Variants in NSUN6 observed in about 807,000 individuals in gnomAD.
The protein encoded by NSUN6 is tRNA (cytosine(72)-C(5))-methyltransferase NSUN6.
Under a neutral mutation model 58.0 loss-of-function variants are expected in NSUN6, and 64 were observed. That is an observed-to-expected ratio of 1.10 (90% CI 0.90 to 1.36). NSUN6 has a LOEUF of 1.36. NSUN6 is among the 40% of genes most tolerant of loss of function. The pLI, the probability that NSUN6 is intolerant of heterozygous loss-of-function variation, is 0.00. For missense variants in NSUN6, 701 were observed against 550.1 expected (o/e 1.27, Z -2.74); for synonymous variants, 231 against 193.9 (o/e 1.19, Z -1.59).
intron 6 of NSUN6, among the ~76,000 whole-genome samples, chr10:18,598,496 G>A (rs904171752): frequency 1.3e-5 from 2 of 152,040 alleles, no homozygotes; most frequent in Non-Finnish European, 2.9e-5. Context: ...CAGGCTGTCC[G>A]GGTCTCAGAC....
At chr10:18,659,322 T>C (rs926693053), upstream of NSUN6, 1 of 337,910 alleles carries the variant, frequency 3.0e-6, no homozygotes, top group Non-Finnish European at 5.4e-6. Flanking sequence ...CGATGGGTGG[T>C]CCTGGGATCC....
intron 3 of NSUN6, among the ~76,000 whole-genome samples, chr10:18,632,789 C>A (rs1051534633): frequency 6.6e-6 from 1 of 152,308 alleles, no homozygotes; most frequent in Admixed American, 6.5e-5. Flanking sequence ...GAAATAGGAA[C>A]AATTTTACAC....
chr10:18,570,142 TTCCATTCCATTC>T (rs1355206871), intron 8 of NSUN6, among the ~76,000 whole-genome samples: 2 of 151,106 alleles, frequency 1.3e-5, no homozygotes, highest in South Asian at 4.2e-4. Context: ...CCATTTCGCA[TTCCATTCCATTC>T]TCCATTCCAT....
intron 8 of NSUN6, among the ~76,000 whole-genome samples, chr10:18,561,067 A>G (rs111208101): frequency 0.61 from 88,954 of 146,774 alleles, 27,486 homozygotes; most frequent in East Asian, 0.96. Context: ...AGGATGGTAT[A>G]GAAAATGGAA....
intron 9 of NSUN6, among the ~76,000 whole-genome samples, chr10:18,549,651 G>A (rs1238597341): frequency 6.6e-6 from 1 of 152,136 alleles, no homozygotes; most frequent in East Asian, 1.9e-4. Context: ...GGAGATCTAT[G>A]AGTATTTGTT....
intron 3 of NSUN6, among the ~76,000 whole-genome samples, chr10:18,639,477 G>A (rs941760118): frequency 6.6e-6 from 1 of 152,050 alleles, no homozygotes; most frequent in African/African-American, 2.4e-5. Flanking sequence ...CGGGGTGACA[G>A]ACTTGAGACT....
intron 5 of NSUN6, among the ~76,000 whole-genome samples, chr10:18,610,269 A>G (rs2058185415): frequency 6.6e-6 from 1 of 151,986 alleles, no homozygotes; most frequent in Non-Finnish European, 1.5e-5. Context: ...AATCACTTGA[A>G]CCTGGGAGGC....
chr10:18,581,741 G>A (rs1257095485), intron 8 of NSUN6, among the ~76,000 whole-genome samples: 1 of 151,596 alleles, frequency 6.6e-6, no homozygotes, highest in Non-Finnish European at 1.5e-5. Context: ...CAGGAGAATC[G>A]CTTGAACCCG....
intron 8 of NSUN6, among the ~76,000 whole-genome samples, chr10:18,579,180 A>ATT (rs1016104225): frequency 2.7e-5 from 4 of 149,540 alleles, no homozygotes; most frequent in African/African-American, 4.9e-5. Flanking sequence ...TTTTATTACT[A>ATT]TTTTTTTTTT....
chr10:18,637,993 G>T (rs1404489732), intron 3 of NSUN6, among the ~76,000 whole-genome samples: 1 of 152,138 alleles, frequency 6.6e-6, no homozygotes. Flanking sequence ...AAACAAAATT[G>T]GGAGGTGGGA....
At chr10:18,655,776 T>G (rs2059770958), upstream of NSUN6, among the ~76,000 whole-genome samples, 2 of 148,698 alleles carry the variant, frequency 1.3e-5, no homozygotes, top group African/African-American at 4.9e-5. Flanking sequence ...ACTGCCACAC[T>G]GAGCAGCCGA....
At chr10:18,554,847 G>T (rs1231009608) in intron 8 of NSUN6, among the ~76,000 whole-genome samples, 2 of 151,802 alleles carry the variant, frequency 1.3e-5, no homozygotes, top group African/African-American at 4.8e-5. Context: ...GCATGGAATG[G>T]AATGGAGAAT....
intron 7 of NSUN6, among the ~76,000 whole-genome samples, chr10:18,588,279 A>G (rs192510604): frequency 7.2e-5 from 11 of 152,294 alleles, no homozygotes; most frequent in Admixed American, 1.3e-4. Flanking sequence ...GGGCTTACAG[A>G]TAAAACTCTC....
chr10:18,616,209 G>GTCTAT lies in NSUN6; in HGVS notation c.395_396insATAGA (p.Pro133Ter), dbSNP rs761594758. ...ATTGTGATGCTGACACAATTCCTGG[G>GTCTAT]GCATAGACATGGGCTCCTCTTAAAA... On this transcript the variant is annotated stop_gained and frameshift_variant, in exon 4 of 11. Coordinates refer to ENST00000377304, the MANE Select transcript of NSUN6 (RefSeq NM_182543.5). LOFTEE classifies it high-confidence loss of function. The GTCTAT allele has an allele frequency of 6.3e-7, 1 of 1,588,676 alleles. No individual in the cohort carries two copies. Among genetic ancestry groups the GTCTAT allele is most frequent in the Non-Finnish European group, 8.6e-7 (1 of 1,157,028 alleles).
intron 3 of NSUN6, among the ~76,000 whole-genome samples, chr10:18,641,060 T>C (rs2059377967): frequency 6.6e-6 from 1 of 152,056 alleles, no homozygotes; most frequent in African/African-American, 2.4e-5. Flanking sequence ...TTATCCCAAG[T>C]ATAGCAATTT....
At chr10:18,654,418 T>C (rs1230261996), upstream of NSUN6, 3 of 152,256 alleles carry the variant, frequency 2.0e-5, no homozygotes, top group African/African-American at 7.2e-5. Context: ...GCTATCTCCA[T>C]TCAAGGGAAC....
chr10:18,632,705 G>T (rs1336811207), intron 3 of NSUN6, among the ~76,000 whole-genome samples: 1 of 152,184 alleles, frequency 6.6e-6, no homozygotes, highest in Admixed American at 6.5e-5. Flanking sequence ...ACCACAATGA[G>T]ATGCCATCTC....
intron 8 of NSUN6, among the ~76,000 whole-genome samples, chr10:18,582,119 A>G (rs1696003006): frequency 6.6e-6 from 1 of 152,146 alleles, no homozygotes. Flanking sequence ...CTTCGTGTGC[A>G]TGTGTGAGCC....
At chr10:18,589,391 C>G (rs1204600022) in intron 7 of NSUN6, among the ~76,000 whole-genome samples, 2 of 152,080 alleles carry the variant, frequency 1.3e-5, no homozygotes, top group African/African-American at 4.8e-5. Flanking sequence ...AAGACAGGCC[C>G]AAGTTCAAAT....
Sources: gnomAD v4.1 joint callset for allele counts (sites outside exome capture counted in the v4.1 genomes callset) on GRCh38, gnomAD v4.1.1 for gene constraint, MANE v1.5 for transcripts, NCBI Gene and HGNC (gene_info 2026-07-23, HGNC 2026-07-21) for gene names.